DLG1: variants seen among roughly 807,000 people sequenced by gnomAD.
The protein encoded by DLG1 is discs large MAGUK scaffold protein 1, also known as disks large homolog 1.
In DLG1, 42 loss-of-function variants were observed where a neutral mutation model predicts 123.4. That is an observed-to-expected ratio of 0.34 (90% CI 0.27 to 0.44). The LOEUF is 0.44. Ranked by LOEUF, DLG1 falls within the 20% of genes least tolerant of loss-of-function variation. The pLI is 1.00. For synonymous variants in DLG1, 317 were observed against 356.2 expected (o/e 0.89, Z 1.24); for missense variants, 942 against 1,082.6 (o/e 0.87, Z 1.82).
chr3:197,171,317 T>A (rs1804084863), intron 5 of DLG1, among the ~76,000 whole-genome samples: 1 of 152,216 alleles, frequency 6.6e-6, no homozygotes, highest in East Asian at 1.9e-4. Context: ...TCTGTTTTTT[T>A]ATTCAAATGT....
At chr3:197,118,221 G>A (rs575264730) in intron 12 of DLG1, among the ~76,000 whole-genome samples, 1 of 152,260 alleles carries the variant, frequency 6.6e-6, no homozygotes, top group African/African-American at 2.4e-5. Context: ...TATGCAAAGA[G>A]ATTAAAGACT....
intron 5 of DLG1, among the ~76,000 whole-genome samples, chr3:197,164,046 C>T (rs1800050476): frequency 6.6e-6 from 1 of 152,034 alleles, no homozygotes; most frequent in Admixed American, 6.5e-5. Flanking sequence ...TATACAAATT[C>T]ACACAAACTT....
chr3:197,084,797 T>A (rs1753307894), intron 16 of DLG1, among the ~76,000 whole-genome samples: 1 of 151,612 alleles, frequency 6.6e-6, no homozygotes, highest in South Asian at 2.1e-4. Context: ...GATATAGATA[T>A]AGATATTTAG....
intron 4 of DLG1, among the ~76,000 whole-genome samples, chr3:197,255,796 T>G (rs2150908685): frequency 6.6e-6 from 1 of 151,916 alleles, no homozygotes; most frequent in East Asian, 1.9e-4. Flanking sequence ...AAAGATTATC[T>G]CTGGGGAGGG....
chr3:197,124,553 C>T (rs751493224), intron 11 of DLG1, among the ~76,000 whole-genome samples: 7 of 151,962 alleles, frequency 4.6e-5, no homozygotes, highest in Non-Finnish European at 8.8e-5. Context: ...GGATTACAGG[C>T]GTGAGCCACC....
At chr3:197,060,040 T>C (rs752272376) in intron 22 of DLG1, 42 bp from the exon 23 acceptor site, 1 of 1,385,464 alleles carries the variant, frequency 7.2e-7, no homozygotes, top group South Asian at 1.2e-5. Context: ...GTGAGCCAAA[T>C]ATTCTCAATA....
chr3:197,114,985 A>AG (rs1772345277), intron 13 of DLG1, among the ~76,000 whole-genome samples: 1 of 74,806 alleles, frequency 1.3e-5, no homozygotes, highest in Non-Finnish European at 2.8e-5. Flanking sequence ...CTCCATCTCA[A>AG]GGAAAAAAAA....
In DLG1 at chr3:197,177,278, A is replaced by G. The variant is rs570671191; in HGVS notation, c.483+17147T>C. On this transcript the variant is annotated intron_variant, in intron 5 of 24. Coordinates refer to ENST00000667157, the MANE Select transcript of DLG1 (RefSeq NM_001366207.1). ...AACAGCGTTTCCATCCAAACTGTGA[A>G]TGTTTGGGGAGTCAATACCAAAGGA... Among the ~76,000 whole-genome samples, 11 of 152,244 alleles carry G rather than the reference A, an allele frequency of 7.2e-5. No individual in the cohort carries two copies. In the East Asian group the frequency reaches 2.1e-3, roughly 29 times the overall value.
intron 11 of DLG1, among the ~76,000 whole-genome samples, chr3:197,129,771 T>C (rs189654481): frequency 3.8e-4 from 58 of 152,218 alleles, no homozygotes; most frequent in African/African-American, 1.3e-3. Flanking sequence ...TCTTGGGGAA[T>C]AGGGAGGCCC....
intron 24 of DLG1, among the ~76,000 whole-genome samples, chr3:197,047,843 C>T (rs1301527188): frequency 1.3e-5 from 2 of 151,974 alleles, no homozygotes; most frequent in Admixed American, 6.6e-5. Context: ...GGGAAAAAAG[C>T]GCCTTCACAC....
intron 4 of DLG1, among the ~76,000 whole-genome samples, chr3:197,247,774 TTC>T (rs1458072538): frequency 2.6e-5 from 4 of 152,124 alleles, no homozygotes; most frequent in Non-Finnish European, 5.9e-5. Flanking sequence ...GCCTTATACT[TTC>T]TGTTTCTTGT....
At chr3:197,163,683 A>C (rs567813804) in intron 5 of DLG1, among the ~76,000 whole-genome samples, 1 of 126,190 alleles carries the variant, frequency 7.9e-6, no homozygotes, top group East Asian at 2.5e-4. Flanking sequence ...CACCATGCTC[A>C]GCTATTTTTT....
At chr3:197,143,264 T>C (rs541569513) in intron 6 of DLG1, among the ~76,000 whole-genome samples, 3 of 53,424 alleles carry the variant, frequency 5.6e-5, no homozygotes, top group Non-Finnish European at 1.5e-4. Flanking sequence ...TTTTGTTTTG[T>C]TTTTTTGAGA....
At chr3:197,247,586 A>G (rs1394844502) in intron 4 of DLG1, among the ~76,000 whole-genome samples, 1 of 152,152 alleles carries the variant, frequency 6.6e-6, no homozygotes, top group Non-Finnish European at 1.5e-5. Context: ...ACAAATTTGA[A>G]TCCTCATTTG....
intron 6 of DLG1, among the ~76,000 whole-genome samples, chr3:197,146,574 T>C (rs1561027899): frequency 6.6e-6 from 1 of 152,100 alleles, no homozygotes; most frequent in African/African-American, 2.4e-5. Flanking sequence ...TGACAAATGG[T>C]GCTGGGATAA....
Position 197,090,127 on chromosome 3 carries a change from C to T in DLG1, c.1661+785G>A, listed in dbSNP as rs138300042. ...AAGGATAAATGAAACGTATTAGGAA[C>T]AGGTCCCCCAACAGAATCAGGACGA... On this transcript the variant is annotated intron_variant, in intron 15 of 24. Transcript: ENST00000667157. Among the ~76,000 whole-genome samples the T allele has an allele frequency of 2.8e-3, 430 of 152,110 alleles. 2 individuals are homozygous for T. Among genetic ancestry groups the T allele is most frequent in the African/African-American group, 0.01 (420 of 41,496 alleles).
intron 4 of DLG1, among the ~76,000 whole-genome samples, chr3:197,231,349 G>A (rs1048547590): frequency 6.6e-5 from 10 of 152,204 alleles, no homozygotes; most frequent in African/African-American, 2.4e-4. Context: ...TCTGTTATAA[G>A]TAGGCTTACA....
At chr3:197,186,011 C>T (rs1715731615) in intron 5 of DLG1, among the ~76,000 whole-genome samples, 2 of 152,132 alleles carry the variant, frequency 1.3e-5, no homozygotes, top group African/African-American at 2.4e-5. Flanking sequence ...CCCCAATGTA[C>T]AGGGAAGAAA....
At chr3:197,050,963 A>G (rs1449162963) in intron 24 of DLG1, among the ~76,000 whole-genome samples, 1 of 152,260 alleles carries the variant, frequency 6.6e-6, no homozygotes, top group African/African-American at 2.4e-5. Context: ...TTTATAAAGG[A>G]TAAGAGAAAA....
Sources: gnomAD v4.1 joint callset for allele counts (sites outside exome capture counted in the v4.1 genomes callset) on GRCh38, gnomAD v4.1.1 for gene constraint, MANE v1.5 for transcripts, NCBI Gene and HGNC (gene_info 2026-07-23, HGNC 2026-07-21) for gene names.